DIS3L2: variants seen among roughly 807,000 people sequenced by gnomAD.
DIS3L2 encodes the protein DIS3 like 3'-5' exoribonuclease 2, also known as DIS3-like exonuclease 2.
Under a neutral mutation model 97.5 loss-of-function variants are expected in DIS3L2, and 34 were observed. The ratio of observed to expected loss-of-function variants is 0.35; its 90% CI spans 0.27 to 0.46. The LOEUF (loss-of-function observed/expected upper bound fraction) is 0.46, where lower values mean the gene tolerates loss of function less well. Among genes scored for constraint, DIS3L2 ranks in the 20% least tolerant of loss-of-function variants. The pLI, the probability that DIS3L2 is intolerant of heterozygous loss-of-function variation, is 1.00. For synonymous variants in DIS3L2, 435 were observed against 445.2 expected, an observed-to-expected ratio of 0.98 and a Z score of 0.29; for missense variants, 1,038 against 1,146.0, an observed-to-expected ratio of 0.91 and a Z score of 1.36.
At chr2:232,333,559 T>C (rs1695835606) in intron 16 of DIS3L2, among the ~76,000 whole-genome samples, 1 of 152,188 alleles carries the variant, frequency 6.6e-6, no homozygotes, top group South Asian at 2.1e-4. Flanking sequence ...TTCTCAGTGC[T>C]GCCACCTTGA....
intron 1 of DIS3L2, among the ~76,000 whole-genome samples, chr2:231,971,484 C>G (rs1467485657): frequency 2.6e-5 from 4 of 150,960 alleles, no homozygotes; most frequent in African/African-American, 9.7e-5. Flanking sequence ...GTCTCGCACT[C>G]TCGCCCAGGC....
Position 232,333,261 on chromosome 2 carries a change from T to TCGCCTCCTCCTCCTCCTCTGC in DIS3L2, c.2011-577_2011-557dup, listed in dbSNP as rs1559218709. The stretch of plus-strand genomic sequence containing the variant: ...TCCTCCTCCTCCTCCTCCTCCGCTG[T>TCGCCTCCTCCTCCTCCTCTGC]CGCCTCCTCCTCCTCCTCTGCCTCC... On this transcript the variant is annotated intron_variant, in intron 16 of 20. Coordinates refer to ENST00000325385, the MANE Select transcript of DIS3L2 (RefSeq NM_152383.5). 2.5e-3 allele frequency among the ~76,000 whole-genome samples: 216 copies of TCGCCTCCTCCTCCTCCTCTGC among 85,136 alleles called. 2 individuals carry two copies. Among genetic ancestry groups the TCGCCTCCTCCTCCTCCTCTGC allele is most frequent in the African/African-American group, 9.0e-3 (209 of 23,100 alleles). The allele number at this position is 85,136 out of a possible 152,430, so 55.9% of individuals were successfully genotyped here. A position where few individuals can be genotyped will look rare whatever the true frequency, so the allele number is the denominator to read the frequency against.
At chr2:232,143,599 C>T (rs188563931) in intron 8 of DIS3L2, among the ~76,000 whole-genome samples, 21 of 152,160 alleles carry the variant, frequency 1.4e-4, no homozygotes, top group Admixed American at 9.8e-4. Context: ...CAGAGTTTCA[C>T]CCCCGGAAAC....
rs1692491445 is a variant in DIS3L2 at position 232,221,054 on chromosome 2, A to T, written c.1204+10649A>T. ...GAGGCGGAGGCTACAGTGAGCCAAG[A>T]TCGTGCCACTGTGCTCCAGCCTGGG... On this transcript the variant is annotated intron_variant, in intron 10 of 20. Coordinates refer to ENST00000325385, the MANE Select transcript of DIS3L2 (RefSeq NM_152383.5). Among the ~76,000 whole-genome samples the T allele has an allele frequency of 3.4e-5, 5 of 145,424 alleles. No homozygotes were observed. The Admixed American group carries it at 3.6e-4, about 10-fold the overall frequency.
chr2:232,294,290 C>T (rs1694671920), intron 13 of DIS3L2, among the ~76,000 whole-genome samples: 1 of 152,182 alleles, frequency 6.6e-6, no homozygotes, highest in Admixed American at 6.5e-5. Context: ...CCCCCGGACC[C>T]CCTAGAATGG....
intron 8 of DIS3L2, among the ~76,000 whole-genome samples, chr2:232,155,779 A>G (rs1363654953): frequency 1.3e-5 from 2 of 151,968 alleles, no homozygotes; most frequent in Non-Finnish European, 2.9e-5. Flanking sequence ...TCACGAGGTC[A>G]GGAGATTGAG....
At chr2:232,136,754 C>G in intron 8 of DIS3L2, 35 bp downstream of exon 8, 1 of 1,606,860 alleles carries the variant, frequency 6.2e-7, no homozygotes, top group Non-Finnish European at 8.5e-7. Flanking sequence ...CCACAGGTCA[C>G]AGGCAGAACT....
At chr2:232,146,127 T>C (rs2106363341) in intron 8 of DIS3L2, among the ~76,000 whole-genome samples, 1 of 152,314 alleles carries the variant, frequency 6.6e-6, no homozygotes, top group South Asian at 2.1e-4. Context: ...ATGGAAGTTA[T>C]AAAGGGAGCA....
chr2:232,279,804 C>T (rs191820423), intron 13 of DIS3L2, among the ~76,000 whole-genome samples: 15 of 152,282 alleles, frequency 9.9e-5, no homozygotes, highest in African/African-American at 3.4e-4. Flanking sequence ...GCTGGGATTA[C>T]AGGCATGAAC....
intron 8 of DIS3L2, among the ~76,000 whole-genome samples, chr2:232,163,023 T>A (rs533840678): frequency 9.8e-5 from 15 of 152,346 alleles, no homozygotes; most frequent in East Asian, 3.9e-4. Flanking sequence ...TAAAATATTT[T>A]AAAATTTTAA....
At position 232,286,208 on chromosome 2, in the gene DIS3L2, T is replaced by G. The variant is rs544325858; in HGVS notation, c.1660-13832T>G. 1.2e-4 allele frequency among the ~76,000 whole-genome samples: 18 copies of G among 152,282 alleles called. No individual in the cohort carries two copies. In the South Asian group the frequency reaches 2.3e-3, roughly 19 times the overall value. ...TTTTTCAGTCGTGAGCTTCATCTAGTGGCATAGGGCCTCCCTGATGCTGGT... is the reference window on the plus strand; with the variant it reads ...TTTTTCAGTCGTGAGCTTCATCTAGGGGCATAGGGCCTCCCTGATGCTGGT... On this transcript the variant is annotated intron_variant, in intron 13 of 20. Transcript: ENST00000325385.
At chr2:232,105,866 G>A (rs1174899297) in intron 6 of DIS3L2, among the ~76,000 whole-genome samples, 1 of 152,184 alleles carries the variant, frequency 6.6e-6, no homozygotes, top group East Asian at 1.9e-4. Context: ...AGGCCCCTGT[G>A]CCTATCATCC....
intron 1 of DIS3L2, among the ~76,000 whole-genome samples, chr2:231,989,521 T>G (rs1236729833): frequency 1.3e-5 from 2 of 151,808 alleles, no homozygotes; most frequent in Non-Finnish European, 2.9e-5. Context: ...AGTAAAAGAG[T>G]CTCCCCAAAC....
At chr2:232,201,026 C>T (rs922679438) in intron 9 of DIS3L2, among the ~76,000 whole-genome samples, 3 of 152,198 alleles carry the variant, frequency 2.0e-5, no homozygotes, top group East Asian at 3.8e-4. Context: ...CTGCCCGCCT[C>T]GGCCTCCCAA....
At chr2:232,044,419 A>G (rs1428384029) in intron 5 of DIS3L2, among the ~76,000 whole-genome samples, 1 of 152,158 alleles carries the variant, frequency 6.6e-6, no homozygotes, top group Non-Finnish European at 1.5e-5. Flanking sequence ...GGATATAGGA[A>G]GAAGCTGGGG....
intron 13 of DIS3L2, among the ~76,000 whole-genome samples, chr2:232,296,100 G>C (rs567725155): frequency 3.3e-5 from 5 of 152,272 alleles, no homozygotes; most frequent in Non-Finnish European, 7.4e-5. Context: ...GTTAGAATCC[G>C]CAATCTCAGA....
chr2:232,114,932 C>T (rs76045629), intron 6 of DIS3L2, among the ~76,000 whole-genome samples: 1 of 152,100 alleles, frequency 6.6e-6, no homozygotes. Flanking sequence ...CTAGTGAGGA[C>T]CTTCTTGCCA....
At chr2:232,230,208 G>C (rs1035856504) in intron 10 of DIS3L2, among the ~76,000 whole-genome samples, 3 of 152,186 alleles carry the variant, frequency 2.0e-5, no homozygotes, top group Non-Finnish European at 4.4e-5. Context: ...TTCTCAGAGG[G>C]AATGTGCTTA....
intron 1 of DIS3L2, among the ~76,000 whole-genome samples, chr2:231,974,277 T>C (rs1693010593): frequency 6.6e-6 from 1 of 151,902 alleles, no homozygotes; most frequent in Non-Finnish European, 1.5e-5. Context: ...GAAGGACACC[T>C]CCCTAGGGGA....
Sources: gnomAD v4.1 joint callset for allele counts (sites outside exome capture counted in the v4.1 genomes callset) on GRCh38, gnomAD v4.1.1 for gene constraint, MANE v1.5 for transcripts, NCBI Gene and HGNC (gene_info 2026-07-23, HGNC 2026-07-21) for gene names.